SEPTIN8: variants seen among roughly 807,000 people sequenced by gnomAD.
SEPTIN8 encodes the protein septin-8.
A neutral mutation model predicts 53.1 loss-of-function variants in SEPTIN8; 22 were observed. That is an observed-to-expected ratio of 0.41 (90% CI 0.30 to 0.59). The LOEUF (loss-of-function observed/expected upper bound fraction) is 0.59, where lower values mean the gene tolerates loss of function less well. Ranked by LOEUF, SEPTIN8 falls within the 20% of genes least tolerant of loss-of-function variation. The pLI, the probability that SEPTIN8 is intolerant of heterozygous loss-of-function variation, is 0.24. For missense variants in SEPTIN8, 536 were observed against 638.7 expected, an observed-to-expected ratio of 0.84 and a Z score of 1.73; for synonymous variants, 228 against 248.4, an observed-to-expected ratio of 0.92 and a Z score of 0.77.
chr5:132,778,005 A>G, upstream of SEPTIN8: 2 of 985,472 alleles, frequency 2.0e-6, no homozygotes, highest in Non-Finnish European at 2.4e-6. Flanking sequence ...CCATTGTGCA[A>G]AGAGGATGAC....
At position 132,751,954 on chromosome 5, in the gene SEPTIN8, C is replaced by T; in HGVS notation, c.*62G>A. On this transcript the variant is annotated 3_prime_UTR_variant, in exon 10 of 10. Coordinates refer to ENST00000378719, the MANE Select transcript of SEPTIN8 (RefSeq NM_001098811.2). Reference sequence around the variant, plus strand: ...CGTTTTCTGTTCTAACATTAAAAACCATGGTCTCCAGTTCCATGCCCTGGT... The same window carrying T: ...CGTTTTCTGTTCTAACATTAAAAACTATGGTCTCCAGTTCCATGCCCTGGT... The T allele has an allele frequency of 6.2e-7, 1 of 1,600,068 alleles. No individual in the cohort carries two copies. Among genetic ancestry groups the T allele is most frequent in the East Asian group, 2.2e-5 (1 of 44,558 alleles).
chr5:132,768,306 T>C (rs554961282), intron 1 of SEPTIN8, among the ~76,000 whole-genome samples: 2 of 151,800 alleles, frequency 1.3e-5, no homozygotes, highest in Non-Finnish European at 2.9e-5. Flanking sequence ...TATGAGTCTA[T>C]GGAGCATGCA....
chr5:132,764,334 T>C lies in SEPTIN8; in HGVS notation c.237A>G (p.Ala79=), dbSNP rs759917371. The C allele has an allele frequency of 6.2e-7, 1 of 1,614,210 alleles. No individual in the cohort carries two copies. The highest frequency in any genetic ancestry group is 1.3e-5 in the African/African-American group (1 of 75,070). Reference sequence around the variant, plus strand: ...AGGTCTGGGGCCGCAGGCGCACGCATGCCTCATGGTGACTGGCTTCCTCAG... The same window carrying C: ...AGGTCTGGGGCCGCAGGCGCACGCACGCCTCATGGTGACTGGCTTCCTCAG... The part of the protein sequence containing the change: ...FETEEASHHE[A]CVRLRPQTYD... The change falls in exon 3 of 10, where the codon GCA becomes GCG. Residue 79 remains alanine, a synonymous_variant. Transcript: ENST00000378719.
chr5:132,761,027 C>T lies in SEPTIN8; in HGVS notation c.1096-35G>A. The T allele has an allele frequency of 6.3e-7, 1 of 1,588,816 alleles. No individual in the cohort carries two copies. The highest frequency in any genetic ancestry group is 8.6e-7 in the Non-Finnish European group (1 of 1,166,710). On this transcript the variant is annotated intron_variant, in intron 8 of 9. Coordinates refer to ENST00000378719, the MANE Select transcript of SEPTIN8 (RefSeq NM_001098811.2). This position sits in a 1 kb window ranked among gnomAD's most constrained non-coding sequence, Gnocchi z 5.8. ...GAAAGGGGGCAGAAGATGCGGGGAG[C>T]AAGAGGAGGGCTTGAGCCTGGGCCA...
chr5:132,756,291 C>G (rs1016365011), intron 9 of SEPTIN8: 1 of 984,632 alleles, frequency 1.0e-6, no homozygotes, highest in East Asian at 1.1e-4. Flanking sequence ...ATTTCCACAT[C>G]GGCCTGGGAC....
intron 1 of SEPTIN8, among the ~76,000 whole-genome samples, chr5:132,769,442 GCTAAGC>G (rs1184031936): frequency 6.6e-6 from 1 of 152,198 alleles, no homozygotes; most frequent in Non-Finnish European, 1.5e-5. Flanking sequence ...ACCTCAGAGG[GCTAAGC>G]CTAAACTCAA....
rs1754878519 is a variant in SEPTIN8 at position 132,751,956 on chromosome 5, T to C, written c.*60A>G. 6.2e-7 allele frequency: 1 copy of C among 1,602,188 alleles called. No individual in the cohort carries two copies. Among genetic ancestry groups the C allele is most frequent in the East Asian group, 2.2e-5 (1 of 44,632 alleles). Reference sequence around the variant, plus strand: ...TTTTCTGTTCTAACATTAAAAACCATGGTCTCCAGTTCCATGCCCTGGTGG... The same window carrying C: ...TTTTCTGTTCTAACATTAAAAACCACGGTCTCCAGTTCCATGCCCTGGTGG... On this transcript the variant is annotated 3_prime_UTR_variant, in exon 10 of 10. Coordinates refer to ENST00000378719, the MANE Select transcript of SEPTIN8 (RefSeq NM_001098811.2).
intron 1 of SEPTIN8, among the ~76,000 whole-genome samples, chr5:132,771,820 C>T (rs1397988401): frequency 6.8e-6 from 1 of 146,972 alleles, no homozygotes; most frequent in African/African-American, 2.5e-5. Flanking sequence ...CCCAGGATTC[C>T]ACAGCAAGCC....
At chr5:132,756,488 C>A (rs1755352112) in intron 9 of SEPTIN8, 2 of 985,200 alleles carry the variant, frequency 2.0e-6, no homozygotes, top group African/African-American at 3.5e-5. Flanking sequence ...CAACAAATGA[C>A]AATGAGAAAA....
intron 1 of SEPTIN8, among the ~76,000 whole-genome samples, chr5:132,770,143 GTGTATA>G (rs1561769185): frequency 6.2e-4 from 61 of 97,650 alleles, no homozygotes; most frequent in African/African-American, 4.7e-3. Context: ...GTGTATGTGT[GTGTATA>G]TATATATATA....
intron 1 of SEPTIN8, among the ~76,000 whole-genome samples, chr5:132,769,982 C>CATATATATAT (rs1164726534): frequency 5.1e-4 from 28 of 55,340 alleles, no homozygotes; most frequent in African/African-American, 1.1e-3. Context: ...TCTATATATA[C>CATATATATAT]ATATATATAT....
chr5:132,777,839 A>C, upstream of SEPTIN8: 1 of 985,490 alleles, frequency 1.0e-6, no homozygotes, highest in South Asian at 4.7e-5. This position sits in a 1 kb window ranked among gnomAD's most constrained non-coding sequence, Gnocchi z 4.1. Context: ...GCAAGGGACC[A>C]GCCTTCGGCT....
At chr5:132,754,949 G>C (rs971653377) in intron 9 of SEPTIN8, among the ~76,000 whole-genome samples, 1 of 152,138 alleles carries the variant, frequency 6.6e-6, no homozygotes, top group Non-Finnish European at 1.5e-5. Flanking sequence ...AACAGGGCAG[G>C]GGGAGCATCA....
intron 9 of SEPTIN8, chr5:132,756,093 T>C (rs963651620): frequency 1.0e-6 from 1 of 985,268 alleles, no homozygotes; most frequent in Non-Finnish European, 1.2e-6. Flanking sequence ...AGTAAATGAA[T>C]TAACACGTGA....
At chr5:132,756,500 GA>G (rs1755353560) in intron 9 of SEPTIN8, 1 of 985,294 alleles carries the variant, frequency 1.0e-6, no homozygotes, top group African/African-American at 1.7e-5. Flanking sequence ...ATGAGAAAAA[GA>G]GGGGTAAATG....
At chr5:132,775,925 C>T (rs1423467470) in intron 1 of SEPTIN8, 1 of 152,152 alleles carries the variant, frequency 6.6e-6, no homozygotes, top group Admixed American at 6.5e-5. Flanking sequence ...AATAAAACAC[C>T]CGAGTCTAGA....
At chr5:132,770,124 T>TAC in intron 1 of SEPTIN8, among the ~76,000 whole-genome samples, 1 of 81,974 alleles carries the variant, frequency 1.2e-5, no homozygotes, top group Middle Eastern at 4.5e-3. Flanking sequence ...TATATATATA[T>TAC]GTATATATGT....
rs1754874737 is a variant in SEPTIN8 at position 132,751,915 on chromosome 5, T to C, written c.*101A>G. The C allele has an allele frequency of 1.3e-6, 2 of 1,542,896 alleles. No individual in the cohort carries two copies. ...TTGTTTGCACTTTTGATCATTGATA[T>C]AGGAAAAGTATGGCGTTTTCTGTTC... On this transcript the variant is annotated 3_prime_UTR_variant, in exon 10 of 10. Coordinates refer to ENST00000378719, the MANE Select transcript of SEPTIN8 (RefSeq NM_001098811.2).
intron 2 of SEPTIN8, among the ~76,000 whole-genome samples, chr5:132,765,118 GAACA>G (rs1365005107): frequency 6.6e-6 from 1 of 152,012 alleles, no homozygotes; most frequent in Non-Finnish European, 1.5e-5. Context: ...TTTTTTAAAT[GAACA>G]AACAAATGAA....
Sources: allele counts gnomAD v4.1 joint callset (sites outside exome capture counted in the v4.1 genomes callset), GRCh38; gene constraint gnomAD v4.1.1; non-coding constraint Gnocchi (gnomAD v3.1); transcripts MANE v1.5; gene names NCBI Gene and HGNC (gene_info 2026-07-23, HGNC 2026-07-21).